ZNF33A: variants seen among roughly 807,000 people sequenced by gnomAD.
The protein encoded by ZNF33A is brain my041 protein.
ZNF33A carries 9 observed loss-of-function variants against 15.9 expected under a neutral mutation model. That is an observed-to-expected ratio of 0.57 (90% CI 0.34 to 0.99). The LOEUF (loss-of-function observed/expected upper bound fraction) is 0.99, where lower values mean the gene tolerates loss of function less well. Ranked by LOEUF, ZNF33A falls within the 50% of genes least tolerant of loss-of-function variation. ZNF33A has a pLI of 0.02. For missense variants in ZNF33A, 843 were observed against 941.6 expected, an observed-to-expected ratio of 0.90 and a Z score of 1.37; for synonymous variants, 294 against 324.2, an observed-to-expected ratio of 0.91 and a Z score of 1.00.
intron 4 of ZNF33A, among the ~76,000 whole-genome samples, chr10:38,020,642 G>C (rs561309576): frequency 6.6e-6 from 1 of 152,166 alleles, no homozygotes; most frequent in Non-Finnish European, 1.5e-5. Flanking sequence ...TTTCCGTCTA[G>C]GTTGTTGCAT....
chr10:38,010,868 T>C (rs1257190447), intron 1 of ZNF33A, 85 bp downstream of exon 1: 1 of 1,517,518 alleles, frequency 6.6e-7, no homozygotes, highest in Non-Finnish European at 9.0e-7. Flanking sequence ...TACCAAGTGG[T>C]GGGGAGGAGG....
intron 1 of ZNF33A, 119 bp from the exon 2 acceptor site, chr10:38,012,179 A>T: frequency 1.1e-6 from 1 of 917,020 alleles, no homozygotes; most frequent in Non-Finnish European, 1.7e-6. Flanking sequence ...GGACATTGAT[A>T]CTCTCCCAGA....
chr10:38,040,426 A>G (rs1003465900), intron 4 of ZNF33A, among the ~76,000 whole-genome samples: 2 of 152,114 alleles, frequency 1.3e-5, no homozygotes, highest in Non-Finnish European at 2.9e-5. Context: ...GTAGACTTGT[A>G]TATTTTTTTC....
In ZNF33A at chr10:38,058,601, A is replaced by G. The variant is rs2480524; in HGVS notation, c.*2041A>G. 1.3e-5 allele frequency: 2 copies of G among 152,010 alleles called. No individual in the cohort carries two copies. Among genetic ancestry groups the G allele is most frequent in the Admixed American group, 6.5e-5 (1 of 15,270 alleles). The allele number at this position is 152,010 out of a possible 1,614,324, so 9.4% of individuals were successfully genotyped here. The stretch of plus-strand genomic sequence containing the variant: ...CCTGGTCAACATGGTGAAACCCCCT[A>G]TCTACTAAAAATACAAAAAATTAGC... On this transcript the variant is annotated 3_prime_UTR_variant, in exon 5 of 5. Transcript: ENST00000432900.
chr10:38,053,215 A>G (rs1458168852), intron 4 of ZNF33A, among the ~76,000 whole-genome samples: 3 of 152,088 alleles, frequency 2.0e-5, no homozygotes, highest in Admixed American at 2.0e-4. Flanking sequence ...GCTTAAATAA[A>G]TTTTCTCACA....
chr10:38,055,408 C>T lies in ZNF33A; in HGVS notation c.1284C>T (p.Leu428=). ...AAACTTTTTGCCAGAAATCTGACCT[C>T]ACTAAACATCAGAGAACACACACAG... The part of the protein sequence containing the change: ...CGKTFCQKSD[L]TKHQRTHTGL... The change falls in exon 5 of 5, where the codon CTC becomes CTT. Residue 428 remains leucine, a synonymous_variant. Coordinates refer to ENST00000432900, the MANE Select transcript of ZNF33A (RefSeq NM_006954.2). 1.2e-6 allele frequency: 2 copies of T among 1,614,038 alleles called. No homozygotes were observed. Among genetic ancestry groups the T allele is most frequent in the Non-Finnish European group, 8.5e-7 (1 of 1,179,980 alleles).
chr10:38,017,221 C>T (rs1040599558), intron 3 of ZNF33A, 70 bp from the exon 4 acceptor site: 36 of 1,478,608 alleles, frequency 2.4e-5, no homozygotes, highest in Non-Finnish European at 3.2e-5. Flanking sequence ...GCCCCAGAAG[C>T]TTCTTCCTGC....
rs1239255133 is a variant in ZNF33A, at chr10:38,055,005, A to G, written c.881A>G (p.His294Arg). Residue 294 changes from histidine (H) to arginine (R), a missense_variant, in exon 5 of 5, where the codon CAT (histidine) becomes CGT (arginine). His to Arg is a conservative substitution (Grantham distance 29). Coordinates refer to ENST00000432900, the MANE Select transcript of ZNF33A (RefSeq NM_006954.2). ...LCVKSTLSKP[H>R]GVSMKHYDCG... The stretch of plus-strand genomic sequence containing the variant: ...GTGAAGTCCACCCTTTCTAAACCTC[A>G]TGGGGTATCTATGAAACACTATGAT... The G allele has an allele frequency of 1.9e-6, 3 of 1,612,772 alleles. No homozygotes were observed. The African/African-American group carries it at 4.0e-5, about 22-fold the overall frequency.
chr10:38,053,780 C>T (rs2066324146), intron 4 of ZNF33A, among the ~76,000 whole-genome samples: 1 of 152,188 alleles, frequency 6.6e-6, no homozygotes, highest in African/African-American at 2.4e-5. Context: ...ACTCAGACAT[C>T]TTCTGAGTAT....
In ZNF33A at chr10:38,057,858, C is replaced by G; in HGVS notation, c.*1298C>G. On this transcript the variant is annotated 3_prime_UTR_variant, in exon 5 of 5. Coordinates refer to ENST00000432900, the MANE Select transcript of ZNF33A (RefSeq NM_006954.2). Reference sequence around the variant, plus strand: ...ACATACAGCCCAGGGCTGCCCAGGGCTGTTGGACTGTCATTTCAAGGCTCA... The same window carrying G: ...ACATACAGCCCAGGGCTGCCCAGGGGTGTTGGACTGTCATTTCAAGGCTCA... 2 of 985,380 alleles carry G rather than the reference C, an allele frequency of 2.0e-6. No homozygotes were observed. Among genetic ancestry groups the G allele is most frequent in the Non-Finnish European group, 2.4e-6 (2 of 829,938 alleles). The allele number at this position is 985,380 out of a possible 1,614,324, so 61.0% of individuals were successfully genotyped here.
intron 4 of ZNF33A, among the ~76,000 whole-genome samples, chr10:38,052,769 C>T (rs562082784): frequency 2.0e-4 from 31 of 152,064 alleles, no homozygotes; most frequent in African/African-American, 7.5e-4. Flanking sequence ...GTCCAGAGTA[C>T]TTTTTCTTCA....
intron 4 of ZNF33A, among the ~76,000 whole-genome samples, chr10:38,032,387 C>T (rs760510331): frequency 6.6e-6 from 1 of 152,114 alleles, no homozygotes; most frequent in South Asian, 2.1e-4. Context: ...ACCAATTTTA[C>T]GTGTATAAAT....
At chr10:38,048,594 G>A (rs1423085554) in intron 4 of ZNF33A, among the ~76,000 whole-genome samples, 1 of 152,132 alleles carries the variant, frequency 6.6e-6, no homozygotes, top group Non-Finnish European at 1.5e-5. Flanking sequence ...AATGGGAAAA[G>A]ATATAGAATG....
At chr10:38,011,162 C>T (rs951993014) in intron 1 of ZNF33A, among the ~76,000 whole-genome samples, 2 of 152,226 alleles carry the variant, frequency 1.3e-5, no homozygotes, top group African/African-American at 2.4e-5. Flanking sequence ...CCGGCAGACT[C>T]GGTTGCACGT....
chr10:38,010,603 C>T (rs2064119359), upstream of ZNF33A: 2 of 1,118,810 alleles, frequency 1.8e-6, no homozygotes, highest in East Asian at 2.3e-5. Context: ...AGGTAGTTTC[C>T]AGGTAGGGCG....
At chr10:38,054,228 C>CA in intron 4 of ZNF33A, 147 bp from the exon 5 acceptor site, 1 of 836,672 alleles carries the variant, frequency 1.2e-6, no homozygotes, top group Non-Finnish European at 1.7e-6. Context: ...CCATGAAATA[C>CA]AAAAAATATG....
intron 4 of ZNF33A, among the ~76,000 whole-genome samples, chr10:38,024,357 ATATG>A (rs2064893266): frequency 6.6e-6 from 1 of 152,166 alleles, no homozygotes; most frequent in Non-Finnish European, 1.5e-5. Context: ...ATTGAACAAA[ATATG>A]TATAGGACTT....
intron 4 of ZNF33A, among the ~76,000 whole-genome samples, chr10:38,046,303 A>G (rs901043993): frequency 3.6e-4 from 55 of 152,216 alleles, no homozygotes; most frequent in South Asian, 2.1e-4. Flanking sequence ...ACTTTTGAAA[A>G]GAATCAAAGG....
At chr10:38,013,528 A>G (rs2064297546) in intron 2 of ZNF33A, among the ~76,000 whole-genome samples, 1 of 151,356 alleles carries the variant, frequency 6.6e-6, no homozygotes, top group South Asian at 2.1e-4. Flanking sequence ...CCCTGGTTCA[A>G]GTGATTCTCC....
Sources: gnomAD v4.1 joint callset for allele counts (sites outside exome capture counted in the v4.1 genomes callset) on GRCh38, gnomAD v4.1.1 for gene constraint, MANE v1.5 for transcripts, NCBI Gene and HGNC (gene_info 2026-07-23, HGNC 2026-07-21) for gene names.